Variants in CUX2 observed in about 807,000 individuals in gnomAD.
The protein encoded by CUX2 is homeobox protein cut-like 2.
In CUX2, 40 loss-of-function variants were observed where a neutral mutation model predicts 144.8. The ratio of observed to expected loss-of-function variants is 0.28; its 90% CI spans 0.21 to 0.36. CUX2 has a LOEUF of 0.36. Ranked by LOEUF, CUX2 falls within the 10% of genes least tolerant of loss-of-function variation. The probability of loss-of-function intolerance (pLI) is 1.00; values close to 1 mark genes in which losing one functional copy is unlikely to be tolerated. For synonymous variants in CUX2, 827 were observed against 875.6 expected, an observed-to-expected ratio of 0.94 and a Z score of 0.98; for missense variants, 1,615 against 1,994.0, an observed-to-expected ratio of 0.81 and a Z score of 3.62.
intron 3 of CUX2, among the ~76,000 whole-genome samples, chr12:111,250,912 C>T (rs1186198482): frequency 6.6e-6 from 1 of 152,172 alleles, no homozygotes; most frequent in Non-Finnish European, 1.5e-5. Flanking sequence ...CCAGGCAGGG[C>T]AGGAAACATA....
chr12:111,212,569 A>G (rs918405269), intron 1 of CUX2, among the ~76,000 whole-genome samples: 1 of 152,068 alleles, frequency 6.6e-6, no homozygotes, highest in Non-Finnish European at 1.5e-5. Flanking sequence ...AGGCCTCACT[A>G]TGTTGCCCAG....
chr12:111,183,792 A>G (rs1236830229), intron 1 of CUX2, among the ~76,000 whole-genome samples: 1 of 152,156 alleles, frequency 6.6e-6, no homozygotes, highest in East Asian at 1.9e-4. Flanking sequence ...TTATTGGCCT[A>G]GGGCATTTGG....
At chr12:111,311,904 T>C (rs1886926102) in intron 15 of CUX2, among the ~76,000 whole-genome samples, 196 bp from the exon 16 acceptor site, 1 of 152,176 alleles carries the variant, frequency 6.6e-6, no homozygotes, top group Admixed American at 6.5e-5. Flanking sequence ...GGCCTCGTTA[T>C]TATGATTCTT....
At chr12:111,331,281 C>G (rs1888110994) in intron 18 of CUX2, among the ~76,000 whole-genome samples, 1 of 152,164 alleles carries the variant, frequency 6.6e-6, no homozygotes, top group Non-Finnish European at 1.5e-5. Flanking sequence ...CTCAGGATGT[C>G]TCTTCTGAAA....
chr12:111,331,214 G>A (rs568020121), intron 18 of CUX2, among the ~76,000 whole-genome samples: 3 of 152,106 alleles, frequency 2.0e-5, no homozygotes, highest in African/African-American at 7.2e-5. Flanking sequence ...GCATAGGAGT[G>A]GTCTGATCCG....
chr12:111,181,962 G>T (rs1879205988), intron 1 of CUX2, among the ~76,000 whole-genome samples: 1 of 152,148 alleles, frequency 6.6e-6, no homozygotes, highest in Non-Finnish European at 1.5e-5. Context: ...GTAATTCATG[G>T]GGGGTGCAAG....
At chr12:111,194,053 C>T (rs184922086) in intron 1 of CUX2, among the ~76,000 whole-genome samples, 3 of 152,334 alleles carry the variant, frequency 2.0e-5, no homozygotes, top group Admixed American at 2.0e-4. Flanking sequence ...TCTTTGGTCT[C>T]ACAGTGCAAC....
At chr12:111,073,150 T>C (rs76648260) in intron 1 of CUX2, among the ~76,000 whole-genome samples, 1 of 152,074 alleles carries the variant, frequency 6.6e-6, no homozygotes, top group South Asian at 2.1e-4. Context: ...TCCCTGGCCC[T>C]CTTAGAGGCT....
chr12:111,309,972 CCTGT>C lies in CUX2; in HGVS notation c.1259-66_1259-63del, dbSNP rs1041139545. On this transcript the variant is annotated intron_variant, in intron 14 of 21. Coordinates refer to ENST00000261726, the MANE Select transcript of CUX2 (RefSeq NM_015267.4). ...CTCTCCCCCTCTGGTTCTTTTTCTCCCTGTCTCTCTCTCCCCTCATCATCGTCTT... is the reference window on the plus strand; with the variant it reads ...CTCTCCCCCTCTGGTTCTTTTTCTCCCTCTCTCTCCCCTCATCATCGTCTT... The C allele has an allele frequency of 3.2e-6, 4 of 1,243,288 alleles. No homozygotes were observed. The African/African-American group carries it at 6.2e-5, about 19-fold the overall frequency. 77.0% of individuals were successfully genotyped at this position (1,243,288 alleles called of 1,614,324 possible).
intron 16 of CUX2, among the ~76,000 whole-genome samples, chr12:111,316,552 C>T (rs979583676): frequency 4.1e-5 from 6 of 145,766 alleles, no homozygotes; most frequent in African/African-American, 1.5e-4. Context: ...CAGGTTCAAG[C>T]AATTCTCCTG....
At chr12:111,300,795 TG>T (rs1886252892) in intron 9 of CUX2, among the ~76,000 whole-genome samples, 1 of 152,134 alleles carries the variant, frequency 6.6e-6, no homozygotes, top group African/African-American at 2.4e-5. Context: ...CCCAACACTC[TG>T]GGAGGCCGAG....
chr12:111,094,136 C>T (rs747330626), intron 1 of CUX2, among the ~76,000 whole-genome samples: 3 of 152,234 alleles, frequency 2.0e-5, no homozygotes, highest in African/African-American at 7.2e-5. Flanking sequence ...CTTTCCCCCA[C>T]ATTTTAGAGG....
In CUX2 at chr12:111,293,543, G is replaced by T; in HGVS notation, c.534G>T (p.Leu178=). Reference sequence around the variant, plus strand: ...AAGCCCTCCTGACAGAAACCTTGCTGCAGAGAAATGAGGCGGAAAAACAAA... The same window carrying T: ...AAGCCCTCCTGACAGAAACCTTGCTTCAGAGAAATGAGGCGGAAAAACAAA... ...PGKALLTETL[L]QRNEAEKQKG... Residue 178 remains leucine (L), a synonymous_variant, in exon 6 of 22, where the codon CTG becomes CTT. Coordinates refer to ENST00000261726, the MANE Select transcript of CUX2 (RefSeq NM_015267.4). This position sits in a 1 kb window ranked among gnomAD's most constrained non-coding sequence, Gnocchi z 4.5. 1 of 1,592,276 alleles carries T rather than the reference G, an allele frequency of 6.3e-7. No homozygotes were observed. The highest frequency in any genetic ancestry group is 8.5e-7 in the Non-Finnish European group (1 of 1,171,208).
intron 1 of CUX2, among the ~76,000 whole-genome samples, chr12:111,121,127 C>T (rs1874635426): frequency 6.7e-6 from 1 of 148,688 alleles, no homozygotes; most frequent in African/African-American, 2.5e-5. Context: ...AAACAACCCA[C>T]AACTAACTCG....
At chr12:111,173,100 C>T (rs1185916776) in intron 1 of CUX2, among the ~76,000 whole-genome samples, 1 of 152,210 alleles carries the variant, frequency 6.6e-6, no homozygotes. Flanking sequence ...GCTGTCTGCA[C>T]AGCCAGTTGC....
In CUX2 at chr12:111,320,365, G is replaced by A; in HGVS notation, c.2356G>A (p.Asp786Asn). 5 of 1,598,100 alleles carry A rather than the reference G, an allele frequency of 3.1e-6. No individual in the cohort carries two copies. Among genetic ancestry groups the A allele is most frequent in the South Asian group, 1.1e-5 (1 of 91,060 alleles). ...CGAGATCGGCGACGCCGGCTACTTC[G>A]ACCACCACTGGGCCTCCGACCGCGG... ...KSEIGDAGYFDHHWASDRGLL... is the reference protein window; with the variant it reads ...KSEIGDAGYFNHHWASDRGLL... The change falls in exon 17 of 22, where the codon GAC becomes AAC. Residue 786 changes from aspartate to asparagine, a missense_variant. By Grantham distance (23) the Asp-to-Asn change is conservative (BLOSUM62 1). Transcript: ENST00000261726. The surrounding 1 kb of genome is among the most constrained non-coding windows in gnomAD (Gnocchi z 8.1).
chr12:111,226,334 C>A (rs552994769), intron 3 of CUX2, among the ~76,000 whole-genome samples: 104 of 152,318 alleles, frequency 6.8e-4, no homozygotes, highest in African/African-American at 2.5e-3. Context: ...CTCTGGAAGT[C>A]TGCCCTGCCC....
intron 21 of CUX2, among the ~76,000 whole-genome samples, chr12:111,346,103 T>C (rs1023788448): frequency 1.7e-5 from 2 of 118,062 alleles, no homozygotes; most frequent in Non-Finnish European, 3.5e-5. Context: ...TGAGACTCCA[T>C]CTCAAAAAAA....
rs149204200 is a variant in CUX2, at chr12:111,089,249, G to A, written c.63+55009G>A. 1.7e-4 allele frequency among the ~76,000 whole-genome samples: 26 copies of A among 152,352 alleles called. No individual in the cohort carries two copies. In the East Asian group the frequency reaches 3.5e-3, roughly 20 times the overall value. ...GGCCCTGGAGGCCAAGTCCAGCAGC[G>A]CTGGGATTGAGTCTTGGCTCTGTAG... On this transcript the variant is annotated intron_variant, in intron 1 of 21. Transcript: ENST00000261726.
Sources: allele counts gnomAD v4.1 joint callset (sites outside exome capture counted in the v4.1 genomes callset), GRCh38; gene constraint gnomAD v4.1.1; non-coding constraint Gnocchi (gnomAD v3.1); transcripts MANE v1.5; gene names NCBI Gene and HGNC (gene_info 2026-07-23, HGNC 2026-07-21).